MYO16: variants seen among roughly 807,000 people sequenced by gnomAD.
The protein encoded by MYO16 is unconventional myosin-XVI.
A neutral mutation model predicts 205.3 loss-of-function variants in MYO16; 94 were observed. That is an observed-to-expected ratio of 0.46 (90% CI 0.39 to 0.54). MYO16 has a LOEUF of 0.54. MYO16 is among the 20% of genes least tolerant of loss of function. MYO16 has a pLI of 0.00. For synonymous variants in MYO16, 988 were observed against 954.0 expected, an observed-to-expected ratio of 1.04 and a Z score of -0.66; for missense variants, 2,315 against 2,387.5, an observed-to-expected ratio of 0.97 and a Z score of 0.63.
intron 16 of MYO16, among the ~76,000 whole-genome samples, chr13:108,924,476 T>C (rs1385573995): frequency 6.6e-6 from 1 of 152,214 alleles, no homozygotes; most frequent in Non-Finnish European, 1.5e-5. Context: ...GTTGTCAGAA[T>C]GGTCGATGAT....
intron 20 of MYO16, among the ~76,000 whole-genome samples, chr13:108,980,542 T>A (rs1393100811): frequency 1.3e-5 from 2 of 152,224 alleles, no homozygotes; most frequent in African/African-American, 4.8e-5. Context: ...TGGCTCTCCA[T>A]GACCCTGTCT....
intron 1 of MYO16, among the ~76,000 whole-genome samples, chr13:108,636,168 A>G (rs1166922234): frequency 6.6e-6 from 1 of 152,034 alleles, no homozygotes; most frequent in Non-Finnish European, 1.5e-5. Flanking sequence ...ACATTGATCC[A>G]TTGATTTAGT....
At chr13:108,847,992 A>G (rs1204839165) in intron 10 of MYO16, among the ~76,000 whole-genome samples, 1 of 152,026 alleles carries the variant, frequency 6.6e-6, no homozygotes, top group Non-Finnish European at 1.5e-5. Flanking sequence ...AGCCTGGAGT[A>G]GAGAGAGAGC....
At chr13:108,923,150 G>C (rs1881822100) in intron 16 of MYO16, among the ~76,000 whole-genome samples, 1 of 152,212 alleles carries the variant, frequency 6.6e-6, no homozygotes, top group African/African-American at 2.4e-5. Context: ...GGAGCACCTA[G>C]AGTAAGGGCC....
At chr13:109,176,338 G>A (rs535498441) in intron 33 of MYO16, among the ~76,000 whole-genome samples, 31 of 151,718 alleles carry the variant, frequency 2.0e-4, no homozygotes, top group African/African-American at 6.8e-4. Flanking sequence ...TCTGTAGGAT[G>A]TTTGAAGAAT....
intron 23 of MYO16, among the ~76,000 whole-genome samples, chr13:109,041,798 A>G (rs1886891597): frequency 6.6e-6 from 1 of 152,158 alleles, no homozygotes; most frequent in Non-Finnish European, 1.5e-5. Context: ...TAATAGAAAC[A>G]GGATACATGT....
chr13:109,052,518 A>G, intron 25 of MYO16, 43 bp downstream of exon 25: 1 of 1,446,776 alleles, frequency 6.9e-7, no homozygotes, highest in Non-Finnish European at 9.5e-7. Flanking sequence ...TTTAATTTTG[A>G]TAAGTATATT....
chr13:108,639,432 C>G (rs2139374593), intron 1 of MYO16, among the ~76,000 whole-genome samples: 1 of 152,156 alleles, frequency 6.6e-6, no homozygotes, highest in Admixed American at 6.5e-5. Context: ...CAGGCTGTGC[C>G]CTTCATTGGG....
chr13:108,554,004 T>C, the MYO16 span, among the ~76,000 whole-genome samples: 2 of 152,170 alleles, frequency 1.3e-5, no homozygotes, highest in Non-Finnish European at 2.9e-5. Flanking sequence ...ACTCTGATGG[T>C]CCAAAGCCAT....
At chr13:108,880,695 G>A (rs999540586) in intron 12 of MYO16, among the ~76,000 whole-genome samples, 1 of 152,022 alleles carries the variant, frequency 6.6e-6, no homozygotes, top group African/African-American at 2.4e-5. Flanking sequence ...TTATTTCCGG[G>A]GGCTCTATTC....
At chr13:109,015,945 T>C (rs1317514755) in intron 22 of MYO16, among the ~76,000 whole-genome samples, 1 of 152,182 alleles carries the variant, frequency 6.6e-6, no homozygotes, top group Non-Finnish European at 1.5e-5. Flanking sequence ...TGAAGGGTTT[T>C]TTGTGTTTGT....
intron 11 of MYO16, among the ~76,000 whole-genome samples, chr13:108,862,660 T>A (rs1034872886): frequency 1.3e-5 from 2 of 152,184 alleles, no homozygotes; most frequent in Non-Finnish European, 2.9e-5. Context: ...AAATAGAAAG[T>A]CCCCTAAGTT....
At chr13:108,751,639 C>T (rs977951083) in intron 4 of MYO16, among the ~76,000 whole-genome samples, 1 of 152,034 alleles carries the variant, frequency 6.6e-6, no homozygotes, top group Non-Finnish European at 1.5e-5. Context: ...AGGGGAGAGA[C>T]TTGATAAAGA....
At chr13:108,644,522 A>G (rs1243889119) in intron 1 of MYO16, among the ~76,000 whole-genome samples, 1 of 152,218 alleles carries the variant, frequency 6.6e-6, no homozygotes, top group Non-Finnish European at 1.5e-5. Context: ...ATTAGTAGCA[A>G]TGGTGTTTTT....
intron 12 of MYO16, among the ~76,000 whole-genome samples, chr13:108,879,520 ACCCCAGACAGG>A (rs1879497036): frequency 1.3e-5 from 2 of 151,590 alleles, no homozygotes; most frequent in South Asian, 4.2e-4. Context: ...CACTCCCCCA[ACCCCAGACAGG>A]CCCCAGTGTG....
intron 2 of MYO16, among the ~76,000 whole-genome samples, chr13:108,675,957 AG>A (rs1749150790): frequency 1.3e-5 from 2 of 152,218 alleles, no homozygotes; most frequent in Admixed American, 1.3e-4. Flanking sequence ...CGTGAAGGTT[AG>A]TTGGTTAGAT....
intron 1 of MYO16, among the ~76,000 whole-genome samples, chr13:108,603,031 A>G (rs1256035327): frequency 1.3e-5 from 2 of 152,222 alleles, no homozygotes; most frequent in Middle Eastern, 3.2e-3. Flanking sequence ...ATTGAAAAGT[A>G]TGTAATAAAT....
the MYO16 span, among the ~76,000 whole-genome samples, chr13:108,564,946 A>G: frequency 6.6e-6 from 1 of 152,186 alleles, no homozygotes; most frequent in African/African-American, 2.4e-5. Context: ...CCTTTGTTGA[A>G]AATGAGTTCA....
rs144156228 is a variant in MYO16, at chr13:108,638,776, C to T, written c.28+8904C>T. ...TCGAGGAAAAATTGAAAATGAATAA[C>T]GAATTTTCAATTTCCATCTGTAAGT... On this transcript the variant is annotated intron_variant, in intron 1 of 34. Coordinates refer to ENST00000457511, the MANE Select transcript of MYO16 (RefSeq NM_001198950.3). 5.3e-5 allele frequency among the ~76,000 whole-genome samples: 8 copies of T among 152,072 alleles called. No homozygotes were observed. The South Asian group carries it at 6.2e-4, about 12-fold the overall frequency.
Sources: gnomAD v4.1 joint callset for allele counts (sites outside exome capture counted in the v4.1 genomes callset) on GRCh38, gnomAD v4.1.1 for gene constraint, MANE v1.5 for transcripts, NCBI Gene and HGNC (gene_info 2026-07-23, HGNC 2026-07-21) for gene names.